The following CAMKMT variants were observed in gnomAD, a reference collection of about 807,000 sequenced individuals.
The protein encoded by CAMKMT is calmodulin-lysine N-methyltransferase.
In CAMKMT, 53 loss-of-function variants were observed where a neutral mutation model predicts 48.0. That is an observed-to-expected ratio of 1.10 (90% CI 0.89 to 1.39). The LOEUF is 1.39. CAMKMT is among the 40% of genes most tolerant of loss of function. The pLI, the probability that CAMKMT is intolerant of heterozygous loss-of-function variation, is 0.00. For synonymous variants in CAMKMT, 165 were observed against 152.3 expected, an observed-to-expected ratio of 1.08 and a Z score of -0.61; for missense variants, 428 against 402.7, an observed-to-expected ratio of 1.06 and a Z score of -0.54.
At chr2:44,448,492 T>C (rs1053260213) in intron 3 of CAMKMT, among the ~76,000 whole-genome samples, 1 of 152,226 alleles carries the variant, frequency 6.6e-6, no homozygotes, top group Non-Finnish European at 1.5e-5. Context: ...GACATACATA[T>C]ATTTAACTAT....
chr2:44,754,940 G>A (rs1346477582), intron 9 of CAMKMT, among the ~76,000 whole-genome samples: 1 of 152,024 alleles, frequency 6.6e-6, no homozygotes, highest in Admixed American at 6.6e-5. Context: ...GTCGAAGATA[G>A]GAACGCATAT....
At chr2:44,693,297 A>G (rs556853786) in intron 3 of CAMKMT, among the ~76,000 whole-genome samples, 1 of 152,306 alleles carries the variant, frequency 6.6e-6, no homozygotes, top group Admixed American at 6.5e-5. Context: ...CTCAGGTGTG[A>G]CTTAAAATTC....
chr2:44,434,292 T>C (rs1227951841), intron 3 of CAMKMT, among the ~76,000 whole-genome samples: 1 of 151,938 alleles, frequency 6.6e-6, no homozygotes, highest in Non-Finnish European at 1.5e-5. Context: ...TAAAAAACCA[T>C]CTGTTTATCT....
chr2:44,573,454 ATT>A (rs1669035802), intron 3 of CAMKMT, among the ~76,000 whole-genome samples: 1 of 151,778 alleles, frequency 6.6e-6, no homozygotes, highest in African/African-American at 2.4e-5. Context: ...AGTGCTCATT[ATT>A]TCTTTGTGTG....
intron 3 of CAMKMT, among the ~76,000 whole-genome samples, chr2:44,590,745 C>G (rs933418892): frequency 1.4e-4 from 22 of 151,986 alleles, no homozygotes; most frequent in African/African-American, 5.3e-4. Context: ...TGTGCAGAAG[C>G]TCTTTAGTTT....
chr2:44,401,318 G>A (rs1023679231), intron 3 of CAMKMT, among the ~76,000 whole-genome samples: 6 of 152,146 alleles, frequency 3.9e-5, no homozygotes, highest in African/African-American at 1.4e-4. Flanking sequence ...AGCACTTTGG[G>A]AGGTGAGGCG....
At chr2:44,707,574 C>A in intron 6 of CAMKMT, 112 bp downstream of exon 6, 1 of 769,212 alleles carries the variant, frequency 1.3e-6, no homozygotes. Flanking sequence ...AGTTTCCCCC[C>A]TACATACATG....
At chr2:44,609,859 A>G (rs1671502936) in intron 3 of CAMKMT, among the ~76,000 whole-genome samples, 1 of 152,190 alleles carries the variant, frequency 6.6e-6, no homozygotes, top group African/African-American at 2.4e-5. Flanking sequence ...ACCCACTGCT[A>G]CTGATGGAAT....
At chr2:44,509,487 T>G (rs1027101036) in intron 3 of CAMKMT, among the ~76,000 whole-genome samples, 3 of 152,098 alleles carry the variant, frequency 2.0e-5, no homozygotes, top group African/African-American at 7.2e-5. Context: ...TTTTTTGTGT[T>G]TTTTGTAGAG....
intron 3 of CAMKMT, among the ~76,000 whole-genome samples, chr2:44,481,892 C>T (rs1286059737): frequency 6.6e-6 from 1 of 151,954 alleles, no homozygotes; most frequent in Non-Finnish European, 1.5e-5. Context: ...ACAGCTTAGA[C>T]TCATTTAAAC....
intron 3 of CAMKMT, among the ~76,000 whole-genome samples, chr2:44,451,784 A>G (rs759035154): frequency 2.6e-5 from 4 of 151,934 alleles, no homozygotes; most frequent in Non-Finnish European, 4.4e-5. Context: ...TGGTAGGTAT[A>G]TGGTCTTCTC....
chr2:44,640,941 A>G (rs1327368370), intron 3 of CAMKMT, among the ~76,000 whole-genome samples: 1 of 152,182 alleles, frequency 6.6e-6, no homozygotes, highest in African/African-American at 2.4e-5. Context: ...TTCCTGGGCT[A>G]TATAGAAACT....
At chr2:44,584,687 A>G (rs148743245) in intron 3 of CAMKMT, among the ~76,000 whole-genome samples, 1 of 152,302 alleles carries the variant, frequency 6.6e-6, no homozygotes, top group African/African-American at 2.4e-5. Context: ...AATAGAAGAT[A>G]AGCAAGATGG....
chr2:44,683,403 A>G (rs1358973131), intron 3 of CAMKMT, among the ~76,000 whole-genome samples: 2 of 152,212 alleles, frequency 1.3e-5, no homozygotes, highest in Admixed American at 1.3e-4. Context: ...ATAGTGAGGT[A>G]TTAGGGGACT....
At chr2:44,493,590 G>A (rs906418811) in intron 3 of CAMKMT, among the ~76,000 whole-genome samples, 3 of 152,072 alleles carry the variant, frequency 2.0e-5, no homozygotes, top group Non-Finnish European at 4.4e-5. Flanking sequence ...TTTTCCCAGG[G>A]CAAGTTGATA....
At chr2:44,661,007 A>G (rs1210699792) in intron 3 of CAMKMT, among the ~76,000 whole-genome samples, 1 of 152,208 alleles carries the variant, frequency 6.6e-6, no homozygotes, top group Non-Finnish European at 1.5e-5. Flanking sequence ...CTTGTGGTAT[A>G]TAAGAAAACT....
intron 8 of CAMKMT, among the ~76,000 whole-genome samples, chr2:44,749,424 T>A (rs1023654927): frequency 3.9e-5 from 6 of 152,186 alleles, no homozygotes; most frequent in African/African-American, 1.4e-4. Flanking sequence ...GATCTGCCAG[T>A]CTGTCCACAA....
chr2:44,442,491 G>T (rs1217573117), intron 3 of CAMKMT, among the ~76,000 whole-genome samples: 1 of 152,102 alleles, frequency 6.6e-6, no homozygotes, highest in African/African-American at 2.4e-5. Context: ...TGAAACCTAT[G>T]GTTTCTAGGC....
rs374642493 is a variant in CAMKMT at position 44,717,439 on chromosome 2, C to G, written c.623+2086C>G. 1.1e-4 allele frequency among the ~76,000 whole-genome samples: 16 copies of G among 152,320 alleles called. No homozygotes were observed. In the South Asian group the frequency reaches 2.9e-3, roughly 28 times the overall value. On this transcript the variant is annotated intron_variant, in intron 7 of 10. Coordinates refer to ENST00000378494, the MANE Select transcript of CAMKMT (RefSeq NM_024766.5). ...AGAAGCTAAGAGAAATGGCCAGCCA[C>G]TGATGTAATAATCAGTATTCTCCCT...
Sources: allele counts gnomAD v4.1 joint callset (sites outside exome capture counted in the v4.1 genomes callset), GRCh38; gene constraint gnomAD v4.1.1; transcripts MANE v1.5; gene names NCBI Gene and HGNC (gene_info 2026-07-23, HGNC 2026-07-21).